The following RARB variants were observed in gnomAD, a reference collection of about 807,000 sequenced individuals.
RARB encodes the protein retinoic acid receptor beta, also known as HBV-activated protein.
In RARB, 17 loss-of-function variants were observed where a neutral mutation model predicts 51.9. That is an observed-to-expected ratio of 0.33 (90% CI 0.22 to 0.49). The LOEUF (loss-of-function observed/expected upper bound fraction) is 0.49, where lower values mean the gene tolerates loss of function less well. Among genes scored for constraint, RARB ranks in the 20% least tolerant of loss-of-function variants. The pLI is 0.99. For missense variants in RARB, 369 were observed against 550.8 expected (o/e 0.67, Z 3.30); for synonymous variants, 215 against 195.4 (o/e 1.10, Z -0.84).
intron 2 of RARB, among the ~76,000 whole-genome samples, chr3:25,006,382 C>G (rs1011240804): frequency 5.9e-5 from 9 of 152,088 alleles, no homozygotes; most frequent in Non-Finnish European, 1.2e-4. Flanking sequence ...AGATAAATAC[C>G]TGTTTAACAG....
At chr3:25,134,819 T>C (rs1700007798) in intron 4 of RARB, among the ~76,000 whole-genome samples, 2 of 107,914 alleles carry the variant, frequency 1.9e-5, no homozygotes, top group South Asian at 5.0e-4. Flanking sequence ...GATCTGACCT[T>C]AACCGTCACT....
intron 2 of RARB, among the ~76,000 whole-genome samples, chr3:24,958,492 C>T (rs866321235): frequency 6.6e-6 from 1 of 151,844 alleles, no homozygotes; most frequent in African/African-American, 2.4e-5. Flanking sequence ...TCTCTCACAC[C>T]CTGATTTTTA....
intron 5 of RARB, among the ~76,000 whole-genome samples, chr3:25,393,117 A>C (rs1406583849): frequency 1.3e-5 from 2 of 152,018 alleles, no homozygotes; most frequent in Non-Finnish European, 2.9e-5. Context: ...GATTTTGTCA[A>C]ATGCTTTTTT....
chr3:25,305,294 G>A (rs994362271), intron 5 of RARB, among the ~76,000 whole-genome samples: 3 of 152,068 alleles, frequency 2.0e-5, no homozygotes, highest in Non-Finnish European at 4.4e-5. Flanking sequence ...GAAAAAGGCT[G>A]GAGCCTGCAT....
At chr3:24,991,897 G>A (rs1295289773) in intron 2 of RARB, among the ~76,000 whole-genome samples, 1 of 151,944 alleles carries the variant, frequency 6.6e-6, no homozygotes, top group Non-Finnish European at 1.5e-5. Flanking sequence ...CCTGCCCCCA[G>A]CATGAGGACC....
At position 25,596,762 on chromosome 3, in the gene RARB, A is replaced by G. The variant is rs1701853484; in HGVS notation, c.*146A>G. On this transcript the variant is annotated 3_prime_UTR_variant, in exon 8 of 8. Coordinates refer to ENST00000330688, the MANE Select transcript of RARB (RefSeq NM_000965.5). The stretch of plus-strand genomic sequence containing the variant: ...GGACCAAGAAGTTTTCATATGTATC[A>G]ATATATATACTCCTCACTGTGTAAC... The G allele has an allele frequency of 1.2e-5, 8 of 674,402 alleles. No individual in the cohort carries two copies. The South Asian group carries it at 1.5e-4, about 13-fold the overall frequency. The allele number at this position is 674,402 out of a possible 1,614,324, so 41.8% of individuals were successfully genotyped here.
chr3:25,179,269 G>T (rs1409987058), intron 5 of RARB, among the ~76,000 whole-genome samples: 4 of 152,166 alleles, frequency 2.6e-5, no homozygotes. Flanking sequence ...CTTATTACAT[G>T]TTAGGGACAA....
intron 2 of RARB, among the ~76,000 whole-genome samples, chr3:24,998,089 GC>G (rs1559427619): frequency 6.6e-6 from 1 of 151,896 alleles, no homozygotes; most frequent in Non-Finnish European, 1.5e-5. Flanking sequence ...TGTTTTACTT[GC>G]TTTTCAAACC....
intron 2 of RARB, among the ~76,000 whole-genome samples, chr3:24,885,901 T>C (rs1429573632): frequency 2.0e-5 from 3 of 152,232 alleles, no homozygotes; most frequent in Non-Finnish European, 1.5e-5. Flanking sequence ...AAAGTAGTGT[T>C]ATAAAACATT....
In RARB at chr3:24,834,543, G is replaced by C. The variant is rs1221850234; in HGVS notation, c.-459+5140G>C. ...TCCCCTCTTTCACTAGGAAGCCACT[G>C]TTCTGAGCATAACCGGCATCCTTGA... On this transcript the variant is annotated intron_variant, in intron 1 of 11. Transcript: ENST00000383772. Among the ~76,000 whole-genome samples the C allele has an allele frequency of 2.6e-5, 4 of 152,138 alleles. No homozygotes were observed. The East Asian group carries it at 7.7e-4, about 29-fold the overall frequency.
At chr3:25,146,511 G>GTTTTTTTTTTTTTTT (rs1197635626) in intron 4 of RARB, among the ~76,000 whole-genome samples, 1 of 134,522 alleles carries the variant, frequency 7.4e-6, no homozygotes, top group African/African-American at 2.7e-5. Flanking sequence ...TTGTTTGTTT[G>GTTTTTTTTTTTTTTT]TTTTTTTTTT....
intron 1 of RARB, among the ~76,000 whole-genome samples, chr3:24,846,531 A>G (rs1053884931): frequency 2.0e-5 from 3 of 152,230 alleles, no homozygotes; most frequent in Non-Finnish European, 4.4e-5. Flanking sequence ...CTTCCTTAGT[A>G]AGCTAATCTG....
At chr3:25,320,459 AC>A (rs1704541000) in intron 5 of RARB, among the ~76,000 whole-genome samples, 1 of 152,144 alleles carries the variant, frequency 6.6e-6, no homozygotes, top group South Asian at 2.1e-4. Context: ...GCCAGGACAT[AC>A]AACCGAAAGT....
chr3:25,538,356 G>A (rs1039330787), intron 3 of RARB, among the ~76,000 whole-genome samples: 2 of 152,066 alleles, frequency 1.3e-5, no homozygotes, highest in African/African-American at 4.8e-5. Context: ...TTGGTAATGC[G>A]GGCTCCTTTT....
At chr3:25,337,007 G>A (rs1705082745) in intron 5 of RARB, among the ~76,000 whole-genome samples, 2 of 152,168 alleles carry the variant, frequency 1.3e-5, no homozygotes, top group African/African-American at 2.4e-5. Flanking sequence ...CATGGATGCA[G>A]TGATGAACAA....
intron 2 of RARB, among the ~76,000 whole-genome samples, chr3:25,047,784 C>G (rs909283810): frequency 6.6e-6 from 1 of 152,214 alleles, no homozygotes; most frequent in Admixed American, 6.5e-5. Flanking sequence ...ATCTGCATTT[C>G]TCACCTGAAT....
intron 3 of RARB, among the ~76,000 whole-genome samples, chr3:25,102,360 G>A (rs530439202): frequency 1.3e-5 from 2 of 152,064 alleles, no homozygotes; most frequent in East Asian, 1.9e-4. Flanking sequence ...GGCCAACATG[G>A]TGCAACCCTG....
At chr3:25,297,749 GGGACTA>G (rs1447098333) in intron 5 of RARB, among the ~76,000 whole-genome samples, 1 of 152,060 alleles carries the variant, frequency 6.6e-6, no homozygotes, top group African/African-American at 2.4e-5. Flanking sequence ...TCTCATGCAT[GGGACTA>G]ATTTGACAAG....
At chr3:25,092,627 CTT>C (rs972028269) in intron 3 of RARB, among the ~76,000 whole-genome samples, 1 of 151,938 alleles carries the variant, frequency 6.6e-6, no homozygotes. Flanking sequence ...CATGTTTGCT[CTT>C]TTTTTTCCAG....
Sources: gnomAD v4.1 joint callset for allele counts (sites outside exome capture counted in the v4.1 genomes callset) on GRCh38, gnomAD v4.1.1 for gene constraint, MANE v1.5 for transcripts, NCBI Gene and HGNC (gene_info 2026-07-23, HGNC 2026-07-21) for gene names.